Variants in SPATC1L observed in about 807,000 individuals in gnomAD.
The protein encoded by SPATC1L is speriolin-like protein.
SPATC1L carries 20 observed loss-of-function variants against 21.2 expected under a neutral mutation model. The observed-to-expected ratio is 0.94, with a 90% confidence interval of 0.66 to 1.37. The LOEUF (loss-of-function observed/expected upper bound fraction) is 1.37, where lower values mean the gene tolerates loss of function less well. SPATC1L is among the 40% of genes most tolerant of loss of function. SPATC1L has a pLI of 0.00. For synonymous variants in SPATC1L, 290 were observed against 234.5 expected (o/e 1.24, Z -2.16); for missense variants, 499 against 478.7 (o/e 1.04, Z -0.40).
At position 46,161,388 on chromosome 21, in the gene SPATC1L, G is replaced by T. The variant is rs764920210; in HGVS notation, c.1014C>A (p.Phe338Leu). 1 of 1,518,988 alleles carries T rather than the reference G, an allele frequency of 6.6e-7. No individual in the cohort carries two copies. 94.1% of individuals were successfully genotyped at this position (1,518,988 alleles called of 1,614,324 possible). A position where few individuals can be genotyped will look rare whatever the true frequency, so the allele number is the denominator to read the frequency against. Reference sequence around the variant, plus strand: ...GCGGGCGCGGGGCGGCTCACCAGGCGAAGAGGGGCTTGCCGTCCTCCTTGG... The same window carrying T: ...GCGGGCGCGGGGCGGCTCACCAGGCTAAGAGGGGCTTGCCGTCCTCCTTGG... Reference protein sequence around the residue: ...ELSKEDGKPLFAW With the variant: ...ELSKEDGKPLLAW Residue 338 changes from phenylalanine to leucine, a missense_variant, in exon 5 of 5, where the codon TTC (phenylalanine) becomes TTA (leucine). Coordinates refer to ENST00000291672, the MANE Select transcript of SPATC1L (RefSeq NM_001142854.2).
At chr21:46,162,329 C>G (rs184437069) in intron 3 of SPATC1L, among the ~76,000 whole-genome samples, 34 of 152,256 alleles carry the variant, frequency 2.2e-4, no homozygotes, top group Admixed American at 2.1e-3. Flanking sequence ...GGGGTGGGGA[C>G]TGGTCCCCTG....
intron 4 of SPATC1L, 74 bp from the exon 5 acceptor site, chr21:46,161,779 T>C (rs113835421): frequency 0.14 from 211,557 of 1,485,112 alleles, 17,241 homozygotes; most frequent in African/African-American, 0.28. Context: ...CCAGGGCCGA[T>C]CCCTGCCCCG....
rs762271051 is a variant in SPATC1L, at chr21:46,162,018, C to T, written c.594G>A (p.Glu198=). ...TGCGGCGGTCCAGCTGGAAGGCGATCTCGCCCACCACGCGCGCGTCCTTCT... is the reference window on the plus strand; with the variant it reads ...TGCGGCGGTCCAGCTGGAAGGCGATTTCGCCCACCACGCGCGCGTCCTTCT... ...GAEKDARVVG[E]IAFQLDRRIL... Residue 198 remains glutamate, a synonymous_variant, in exon 4 of 5, where the codon GAG becomes GAA. Transcript: ENST00000291672. 8.8e-6 allele frequency: 14 copies of T among 1,598,954 alleles called. No individual in the cohort carries two copies. Among genetic ancestry groups the T allele is most frequent in the South Asian group, 1.1e-5 (1 of 89,350 alleles).
At position 46,161,509 on chromosome 21, in the gene SPATC1L, C is replaced by A. The variant is rs14378; in HGVS notation, c.893G>T (p.Ser298Ile). 4 of 1,607,778 alleles carry A rather than the reference C, an allele frequency of 2.5e-6. No individual in the cohort carries two copies. Among genetic ancestry groups the A allele is most frequent in the Non-Finnish European group, 3.4e-6 (4 of 1,177,048 alleles). The change falls in exon 5 of 5, where the codon AGC (serine) becomes ATC (isoleucine). Residue 298 changes from serine to isoleucine, a missense_variant. Physicochemically the swap from Ser to Ile is moderately radical, Grantham distance 142 (BLOSUM62 -2). Coordinates refer to ENST00000291672, the MANE Select transcript of SPATC1L (RefSeq NM_001142854.2). ...CAGCTTGCGCAGCGCGGCCGGGCTG[C>A]TGTGCAGGGGGTTGGCGCGCAGGTC... Reference protein sequence around the residue: ...RPDLRANPLHSSPAALRKLVI... With the variant: ...RPDLRANPLHISPAALRKLVI...
At position 46,182,927 on chromosome 21, in the gene SPATC1L, C is replaced by G. The variant is rs1327017576; in HGVS notation, c.-111G>C. 1 of 1,096,876 alleles carries G rather than the reference C, an allele frequency of 9.1e-7. No individual in the cohort carries two copies. Among genetic ancestry groups the G allele is most frequent in the African/African-American group, 1.6e-5 (1 of 62,210 alleles). The allele number at this position is 1,096,876 out of a possible 1,614,324, so 67.9% of individuals were successfully genotyped here. A position where few individuals can be genotyped will look rare whatever the true frequency, so the allele number is the denominator to read the frequency against. On this transcript the variant is annotated 5_prime_UTR_variant, in exon 2 of 5. Coordinates refer to ENST00000291672, the MANE Select transcript of SPATC1L (RefSeq NM_001142854.2). ...CCCAGGCACGGAGTTCCGTAGCCAC[C>G]ACCGCCTTCCACGCCTTGTGATGTC...
chr21:46,162,288 C>T (rs1014909360), intron 3 of SPATC1L, among the ~76,000 whole-genome samples: 1 of 152,166 alleles, frequency 6.6e-6, no homozygotes, highest in Non-Finnish European at 1.5e-5. Flanking sequence ...CCCTTCTGTC[C>T]CTTTGCGATG....
intron 2 of SPATC1L, among the ~76,000 whole-genome samples, chr21:46,172,952 G>A (rs553181915): frequency 5.2e-4 from 79 of 152,336 alleles, no homozygotes; most frequent in African/African-American, 1.8e-3. Context: ...GTTGCCATGG[G>A]CCTCTGGAAC....
At chr21:46,161,879 C>T (rs779539852) in intron 4 of SPATC1L, 37 bp downstream of exon 4, 19 of 1,594,840 alleles carry the variant, frequency 1.2e-5, no homozygotes, top group South Asian at 3.3e-5. Context: ...CCGAGCGCCC[C>T]GCACCCTCCT....
intron 2 of SPATC1L, among the ~76,000 whole-genome samples, chr21:46,176,473 CT>C (rs1328848293): frequency 6.6e-6 from 1 of 152,078 alleles, no homozygotes; most frequent in African/African-American, 2.4e-5. Context: ...ACTAACATTC[CT>C]ATATACCAAC....
In SPATC1L at chr21:46,161,446, G is replaced by C; in HGVS notation, c.956C>G (p.Ser319Trp). ...DVVPPKFLGDSLLLLNCLCEL... is the reference protein window; with the variant it reads ...DVVPPKFLGDWLLLLNCLCEL... Reference sequence around the variant, plus strand: ...GCACAGGCAGTTGAGCAGCAGCAGCGAGTCGCCCAGGAACTTGGGGGGCAC... The same window carrying C: ...GCACAGGCAGTTGAGCAGCAGCAGCCAGTCGCCCAGGAACTTGGGGGGCAC... Residue 319 changes from serine (S) to tryptophan (W), a missense_variant, in exon 5 of 5, where the codon TCG (serine) becomes TGG (tryptophan). Coordinates refer to ENST00000291672, the MANE Select transcript of SPATC1L (RefSeq NM_001142854.2). The C allele has an allele frequency of 6.3e-7, 1 of 1,585,536 alleles. No homozygotes were observed. The highest frequency in any genetic ancestry group is 1.1e-5 in the South Asian group (1 of 88,862).
In SPATC1L at chr21:46,179,092, T is replaced by A. The variant is rs78077529; in HGVS notation, c.193+3532A>T. 7.8e-4 allele frequency among the ~76,000 whole-genome samples: 65 copies of A among 82,842 alleles called. 1 individual carries two copies. The highest frequency in any genetic ancestry group is 4.4e-3 in the East Asian group (22 of 5,034). The allele number at this position is 82,842 out of a possible 152,430, so 54.3% of individuals were successfully genotyped here. On this transcript the variant is annotated intron_variant, in intron 2 of 4. Coordinates refer to ENST00000291672, the MANE Select transcript of SPATC1L (RefSeq NM_001142854.2). ...TGTCTCTACAAAAAAAAAAAAAAAA[T>A]TTTTAACTAGCCGCTCATGGTGGCA...
chr21:46,168,270 C>T lies in SPATC1L; in HGVS notation c.544+38G>A, dbSNP rs538948740. On this transcript the variant is annotated intron_variant, in intron 3 of 4. Coordinates refer to ENST00000291672, the MANE Select transcript of SPATC1L (RefSeq NM_001142854.2). ...CCCTCCCCACAGCTGCCAGCCTGCA[C>T]TGGGGGCCCCCCCAGGTGCCCCCGC... 5 of 1,481,874 alleles carry T rather than the reference C, an allele frequency of 3.4e-6. No homozygotes were observed. In the East Asian group the frequency reaches 1.2e-4, roughly 35 times the overall value. The allele number at this position is 1,481,874 out of a possible 1,614,324, so 91.8% of individuals were successfully genotyped here.
Position 46,182,658 on chromosome 21 carries a change from A to C in SPATC1L, c.159T>G (p.His53Gln). 6.5e-7 allele frequency: 1 copy of C among 1,538,044 alleles called. No individual in the cohort carries two copies. The highest frequency in any genetic ancestry group is 8.7e-7 in the Non-Finnish European group (1 of 1,144,966). ...GGHDLLPPRA[H>Q]AYPEAGSPGS... ...CGGGGGAGCCGGCCTCAGGGTAGGC[A>C]TGCGCCCTGGGTGGGAGCAGGTCGT... The change falls in exon 2 of 5, where the codon CAT becomes CAG. Residue 53 changes from histidine to glutamine, a missense_variant. Coordinates refer to ENST00000291672, the MANE Select transcript of SPATC1L (RefSeq NM_001142854.2).
Position 46,182,931 on chromosome 21 carries a change from G to T in SPATC1L, c.-115C>A. 1 of 1,055,862 alleles carries T rather than the reference G, an allele frequency of 9.5e-7. No individual in the cohort carries two copies. Among genetic ancestry groups the T allele is most frequent in the Non-Finnish European group, 1.3e-6 (1 of 759,928 alleles). 65.4% of individuals were successfully genotyped at this position (1,055,862 alleles called of 1,614,324 possible). A position where few individuals can be genotyped will look rare whatever the true frequency, so the allele number is the denominator to read the frequency against. On this transcript the variant is annotated 5_prime_UTR_variant, in exon 2 of 5. Transcript: ENST00000291672. ...GGCACGGAGTTCCGTAGCCACCACCGCCTTCCACGCCTTGTGATGTCACTG... is the reference window on the plus strand; with the variant it reads ...GGCACGGAGTTCCGTAGCCACCACCTCCTTCCACGCCTTGTGATGTCACTG...
intron 2 of SPATC1L, among the ~76,000 whole-genome samples, chr21:46,177,757 G>T (rs1352145392): frequency 2.0e-5 from 3 of 152,122 alleles, no homozygotes; most frequent in Non-Finnish European, 2.9e-5. Context: ...TACTGGTTGG[G>T]TTCCATTAAT....
At chr21:46,173,450 G>A (rs1377235826) in intron 2 of SPATC1L, among the ~76,000 whole-genome samples, 1 of 152,124 alleles carries the variant, frequency 6.6e-6, no homozygotes, top group Non-Finnish European at 1.5e-5. Context: ...TGTCTGCACA[G>A]GTGGGTTTTG....
chr21:46,162,878 C>T (rs1207951172), intron 3 of SPATC1L, among the ~76,000 whole-genome samples: 3 of 152,244 alleles, frequency 2.0e-5, no homozygotes, highest in African/African-American at 7.2e-5. Context: ...TGAGCCACCG[C>T]ACCTGGCCCA....
At chr21:46,179,075 CAA>C (rs1221584346) in intron 2 of SPATC1L, among the ~76,000 whole-genome samples, 3,034 of 91,600 alleles carry the variant, frequency 0.033, 104 homozygotes, top group African/African-American at 0.12. Context: ...CCTGTCTCTA[CAA>C]AAAAAAAAAA....
intron 3 of SPATC1L, among the ~76,000 whole-genome samples, chr21:46,165,606 CCTT>C (rs2079534580): frequency 7.2e-6 from 1 of 139,832 alleles, no homozygotes. Context: ...CCTATAGAAA[CCTT>C]CTGACTAGAA....
Sources: allele counts gnomAD v4.1 joint callset (sites outside exome capture counted in the v4.1 genomes callset), GRCh38; gene constraint gnomAD v4.1.1; transcripts MANE v1.5; gene names NCBI Gene and HGNC (gene_info 2026-07-23, HGNC 2026-07-21).